The following THUMPD3 variants were observed in gnomAD, a reference collection of about 807,000 sequenced individuals.
The protein encoded by THUMPD3 is tRNA (guanine(6)-N(2))-methyltransferase THUMP3.
Under a neutral mutation model 54.5 loss-of-function variants are expected in THUMPD3, and 44 were observed. That is an observed-to-expected ratio of 0.81 (90% CI 0.63 to 1.04). THUMPD3 has a LOEUF of 1.04. Among genes scored for constraint, THUMPD3 ranks in the 50% least tolerant of loss-of-function variants. The pLI is 0.00. For missense variants in THUMPD3, 604 were observed against 601.3 expected (o/e 1.00, Z -0.05); for synonymous variants, 196 against 201.4 (o/e 0.97, Z 0.23).
intron 7 of THUMPD3, chr3:9,380,919 A>AT: frequency 4.8e-6 from 1 of 208,304 alleles, no homozygotes; most frequent in South Asian, 8.0e-5. Context: ...TTTAAACAGT[A>AT]TATTTTTACA....
At chr3:9,375,685 A>G (rs1040362892) in intron 5 of THUMPD3, among the ~76,000 whole-genome samples, 9 of 152,186 alleles carry the variant, frequency 5.9e-5, no homozygotes, top group African/African-American at 2.2e-4. Flanking sequence ...TCATCACGCA[A>G]TTTCATCATT....
At chr3:9,368,792 T>C (rs756851433) in intron 3 of THUMPD3, among the ~76,000 whole-genome samples, 1 of 152,240 alleles carries the variant, frequency 6.6e-6, no homozygotes, top group Non-Finnish European at 1.5e-5. Context: ...TCTTTGTTCC[T>C]ATATCCTCAT....
intron 8 of THUMPD3, 118 bp from the exon 9 acceptor site, chr3:9,384,094 T>C (rs2033141475): frequency 3.4e-6 from 4 of 1,180,116 alleles, no homozygotes; most frequent in South Asian, 3.1e-5. Context: ...AAAGGTCTGG[T>C]TTCTAAAACT....
In THUMPD3 at chr3:9,365,153, G is replaced by A. The variant is rs1276083770; in HGVS notation, c.85G>A (p.Asp29Asn). 16 of 1,614,026 alleles carry A rather than the reference G, an allele frequency of 9.9e-6. No homozygotes were observed. The highest frequency in any genetic ancestry group is 3.3e-5 in the Admixed American group (2 of 59,998). The change falls in exon 2 of 10, where the codon GAC becomes AAC. Residue 29 changes from aspartate to asparagine, a missense_variant. Physicochemically the swap from Asp to Asn is conservative, Grantham distance 23. Coordinates refer to ENST00000452837, the MANE Select transcript of THUMPD3 (RefSeq NM_001114092.2). ...NQKSVQVTES[D>N]LGSESELLVT... ...GAAGTCTGTACAAGTGACAGAAAGTGACCTCGGAAGTGAATCTGAGCTTCT... is the reference window on the plus strand; with the variant it reads ...GAAGTCTGTACAAGTGACAGAAAGTAACCTCGGAAGTGAATCTGAGCTTCT...
intron 1 of THUMPD3, chr3:9,363,785 C>T (rs1485389380): frequency 1.3e-5 from 2 of 150,326 alleles, no homozygotes; most frequent in African/African-American, 4.9e-5. Context: ...TTCAGTTAAC[C>T]ATTTTTATTT....
At chr3:9,364,644 G>A (rs1000636378) in intron 1 of THUMPD3, among the ~76,000 whole-genome samples, 30 of 152,232 alleles carry the variant, frequency 2.0e-4, no homozygotes, top group African/African-American at 7.2e-4. Flanking sequence ...ACCACGCCCA[G>A]CCAAGCCCTA....
At chr3:9,377,989 G>A in intron 6 of THUMPD3, 101 bp downstream of exon 6, 3 of 941,394 alleles carry the variant, frequency 3.2e-6, no homozygotes, top group Non-Finnish European at 5.0e-6. Flanking sequence ...GGTTGGATCA[G>A]TGGACCCAAG....
At chr3:9,372,665 TCTC>T (rs1174111995) in intron 4 of THUMPD3, among the ~76,000 whole-genome samples, 9 of 152,134 alleles carry the variant, frequency 5.9e-5, no homozygotes, top group African/African-American at 2.2e-4. Flanking sequence ...TAGAGTCAGC[TCTC>T]CTCTTTCTTA....
In THUMPD3 at chr3:9,380,551, C is replaced by A; in HGVS notation, c.1057C>A (p.Pro353Thr). The A allele has an allele frequency of 6.2e-7, 1 of 1,613,650 alleles. No homozygotes were observed. The highest frequency in any genetic ancestry group is 8.5e-7 in the Non-Finnish European group (1 of 1,179,740). Residue 353 changes from proline to threonine, a missense_variant, in exon 7 of 10, where the codon CCA becomes ACA. Physicochemically the swap from Pro to Thr is conservative, Grantham distance 38. Coordinates refer to ENST00000452837, the MANE Select transcript of THUMPD3 (RefSeq NM_001114092.2). ...TTTCCATATTGCTGGTGATAATAAT[C>A]CACTGGCTGTGAATAGAGCAGCAAA... ...DCFHIAGDNN[P>T]LAVNRAANNI...
Position 9,385,946 on chromosome 3 carries a change from T to C in THUMPD3, c.*1258T>C, listed in dbSNP as rs2033299449. The stretch of plus-strand genomic sequence containing the variant: ...TCCCTGGAACAAAGAGTAGTTGAGG[T>C]TTTTTTGTGGAACTCATCATAGTAT... On this transcript the variant is annotated 3_prime_UTR_variant, in exon 10 of 10. Coordinates refer to ENST00000452837, the MANE Select transcript of THUMPD3 (RefSeq NM_001114092.2). The C allele has an allele frequency of 6.6e-6, 1 of 152,164 alleles. No individual in the cohort carries two copies. The highest frequency in any genetic ancestry group is 2.1e-4 in the South Asian group (1 of 4,826). The allele number at this position is 152,164 out of a possible 1,614,324, so 9.4% of individuals were successfully genotyped here.
At chr3:9,371,559 G>A in intron 4 of THUMPD3, 23 bp downstream of exon 4, 2 of 1,557,500 alleles carry the variant, frequency 1.3e-6, no homozygotes, top group African/African-American at 1.4e-5. Context: ...TCTGACTGTG[G>A]TGATTGAAGA....
intron 9 of THUMPD3, 66 bp downstream of exon 9, chr3:9,384,401 ATGTT>A (rs2033176322): frequency 2.5e-6 from 4 of 1,596,772 alleles, no homozygotes; most frequent in African/African-American, 1.4e-5. Flanking sequence ...AGATTTGGGG[ATGTT>A]TGTTTGGATA....
rs1559302643 is a variant in THUMPD3 at position 9,371,243 on chromosome 3, A to G, written c.514A>G (p.Lys172Glu). ...QEVKIDQRNVKKEFTSHALDS... is the reference protein window; with the variant it reads ...QEVKIDQRNVEKEFTSHALDS... ...AGTCAAAATCGATCAGAGAAATGTT[A>G]AAAAAGAGTTCACTAGCCATGCTTT... is the stretch of plus-strand genomic sequence containing the variant. The change falls in exon 4 of 10, where the codon AAA (lysine) becomes GAA (glutamate). Residue 172 changes from lysine (K) to glutamate (E), a missense_variant. Lys to Glu is a moderately conservative substitution (Grantham distance 56). Transcript: ENST00000452837. The G allele has an allele frequency of 5.6e-6, 9 of 1,611,682 alleles. No homozygotes were observed. Among genetic ancestry groups the G allele is most frequent in the Non-Finnish European group, 7.6e-6 (9 of 1,179,400 alleles).
In THUMPD3 at chr3:9,384,697, A is replaced by C. The variant is rs1456194716; in HGVS notation, c.*9A>C. On this transcript the variant is annotated 3_prime_UTR_variant, in exon 10 of 10. Transcript: ENST00000452837. ...GGCAATGCAAAGAATGAAGATGACT[A>C]ATAGTACTTGTACTTCCCACCACTG... 6 of 1,614,062 alleles carry C rather than the reference A, an allele frequency of 3.7e-6. No homozygotes were observed. Among genetic ancestry groups the C allele is most frequent in the Non-Finnish European group, 5.1e-6 (6 of 1,179,954 alleles).
chr3:9,384,440 G>A, intron 9 of THUMPD3, 84 bp from the exon 10 acceptor site: 3 of 1,601,322 alleles, frequency 1.9e-6, no homozygotes, highest in South Asian at 1.1e-5. Flanking sequence ...TTCCCCTGAG[G>A]TTTCCTATCT....
At chr3:9,377,557 T>C (rs543729618) in intron 5 of THUMPD3, among the ~76,000 whole-genome samples, 1 of 152,104 alleles carries the variant, frequency 6.6e-6, no homozygotes, top group Non-Finnish European at 1.5e-5. Context: ...GTATTTTTAG[T>C]GGAGACGGGG....
intron 7 of THUMPD3, 36 bp from the exon 8 acceptor site, chr3:9,383,163 A>G (rs1282302404): frequency 6.9e-6 from 10 of 1,441,788 alleles, no homozygotes; most frequent in Non-Finnish European, 5.8e-6. Context: ...TTTATGCTTC[A>G]CAGTATGTTG....
chr3:9,372,872 G>C (rs984114319), intron 4 of THUMPD3, among the ~76,000 whole-genome samples: 1 of 152,180 alleles, frequency 6.6e-6, no homozygotes, highest in Non-Finnish European at 1.5e-5. Context: ...TGGGACACTT[G>C]AATCTGGGGC....
chr3:9,376,669 A>AT (rs2032479781), intron 5 of THUMPD3, among the ~76,000 whole-genome samples: 1 of 152,356 alleles, frequency 6.6e-6, no homozygotes, highest in East Asian at 1.9e-4. Context: ...AATAGTTATC[A>AT]TACATGCGAT....
Sources: gnomAD v4.1 joint callset for allele counts (sites outside exome capture counted in the v4.1 genomes callset) on GRCh38, gnomAD v4.1.1 for gene constraint, MANE v1.5 for transcripts, NCBI Gene and HGNC (gene_info 2026-07-23, HGNC 2026-07-21) for gene names.